Variants in NHERF1 observed in about 807,000 individuals in gnomAD.
NHERF1 encodes the protein NHERF family PDZ scaffold protein 1, also known as Na(+)/H(+) exchange regulatory cofactor NHE-RF1.
At chr17:74,763,057 C>G in the NHERF1 span, 1 of 297,460 alleles carries the variant, frequency 3.4e-6, no homozygotes, top group African/African-American at 2.2e-5. Context: ...CAAGTCCTTA[C>G]CCAGGCTGGG....
At chr17:74,766,771 A>T in the NHERF1 span, among the ~76,000 whole-genome samples, 568 of 152,166 alleles carry the variant, frequency 3.7e-3, 2 homozygotes, top group African/African-American at 0.013. Flanking sequence ...AATTTTTTTT[A>T]AATAAATAAG....
At chr17:74,768,658 C>T in the NHERF1 span, 3 of 1,612,818 alleles carry the variant, frequency 1.9e-6, no homozygotes, top group African/African-American at 1.3e-5. Context: ...AACCTCTGAG[C>T]GCCCTGCTGC....
At chr17:74,766,297 A>C in the NHERF1 span, among the ~76,000 whole-genome samples, 2 of 151,950 alleles carry the variant, frequency 1.3e-5, no homozygotes, top group Non-Finnish European at 2.9e-5. Flanking sequence ...TCTGGGTTCA[A>C]ACAATTTTCC....
At chr17:74,763,143 C>T in the NHERF1 span, 4 of 510,476 alleles carry the variant, frequency 7.8e-6, no homozygotes, top group Non-Finnish European at 1.0e-5. Flanking sequence ...TGGATATTTT[C>T]GTTGGCCCTT....
chr17:74,753,326 A>G, the NHERF1 span, among the ~76,000 whole-genome samples: 2 of 152,138 alleles, frequency 1.3e-5, no homozygotes, highest in Admixed American at 1.3e-4. Context: ...CACCCCAGGG[A>G]GCAAGGTGGG....
the NHERF1 span, among the ~76,000 whole-genome samples, chr17:74,756,265 C>T: frequency 2.4e-4 from 27 of 114,496 alleles, no homozygotes; most frequent in Non-Finnish European, 1.4e-4. Context: ...TCTTTTCTTT[C>T]TTTCTTTCTT....
At chr17:74,752,568 G>A in the NHERF1 span, among the ~76,000 whole-genome samples, 9 of 151,678 alleles carry the variant, frequency 5.9e-5, no homozygotes, top group Middle Eastern at 3.2e-3. Context: ...ACCTCGCCTC[G>A]CTGCAGCCTC....
the NHERF1 span, among the ~76,000 whole-genome samples, chr17:74,751,089 G>A: frequency 6.6e-6 from 1 of 152,120 alleles, no homozygotes; most frequent in African/African-American, 2.4e-5. This position sits in a 1 kb window ranked among gnomAD's most constrained non-coding sequence, Gnocchi z 4.3. Flanking sequence ...GGAGGCATTG[G>A]GCGATGTGAT....
chr17:74,754,634 A>G, the NHERF1 span, among the ~76,000 whole-genome samples: 8,985 of 151,686 alleles, frequency 0.059, 314 homozygotes, highest in African/African-American at 0.11. Flanking sequence ...ACCTGTCACA[A>G]CACCCTGCTA....
At chr17:74,748,822 C>T in the NHERF1 span, 1 of 1,572,434 alleles carries the variant, frequency 6.4e-7, no homozygotes, top group Non-Finnish European at 8.6e-7. This position sits in a 1 kb window ranked among gnomAD's most constrained non-coding sequence, Gnocchi z 4.3. Flanking sequence ...CCCCAAGTCG[C>T]GCCGCTGACC....
chr17:74,749,293 C>A, the NHERF1 span: 1 of 1,526,750 alleles, frequency 6.5e-7, no homozygotes. The surrounding 1 kb of genome is among the most constrained non-coding windows in gnomAD (Gnocchi z 5.6). Context: ...AGCAGGTAAG[C>A]GGGGCCCAAG....
the NHERF1 span, among the ~76,000 whole-genome samples, chr17:74,753,881 TG>T: frequency 1.3e-5 from 2 of 152,104 alleles, no homozygotes; most frequent in Non-Finnish European, 2.9e-5. Flanking sequence ...CCAGGCACGG[TG>T]GCTCACGCCT....
chr17:74,751,464 T>C, the NHERF1 span, among the ~76,000 whole-genome samples: 5 of 152,220 alleles, frequency 3.3e-5, no homozygotes, highest in Admixed American at 3.3e-4. The surrounding 1 kb of genome is among the most constrained non-coding windows in gnomAD (Gnocchi z 4.3). Flanking sequence ...TAAGTGATGA[T>C]ATCAGTGGAA....
At chr17:74,757,857 T>C in the NHERF1 span, among the ~76,000 whole-genome samples, 1 of 152,178 alleles carries the variant, frequency 6.6e-6, no homozygotes, top group African/African-American at 2.4e-5. Context: ...CTGGTCTTCT[T>C]TGCATAAACA....
chr17:74,754,802 G>A, the NHERF1 span, among the ~76,000 whole-genome samples: 4 of 152,108 alleles, frequency 2.6e-5, no homozygotes, highest in African/African-American at 4.8e-5. Context: ...TTGTCCCCCA[G>A]ACAAATTAGC....
At chr17:74,769,019 C>T in the NHERF1 span, 1 of 286,296 alleles carries the variant, frequency 3.5e-6, no homozygotes, top group Non-Finnish European at 6.7e-6. Context: ...GGGTCCAGGG[C>T]TGATCAAAGA....
chr17:74,764,019 A>G, the NHERF1 span, among the ~76,000 whole-genome samples: 1 of 152,058 alleles, frequency 6.6e-6, no homozygotes, highest in African/African-American at 2.4e-5. The surrounding 1 kb of genome is among the most constrained non-coding windows in gnomAD (Gnocchi z 4.9). Context: ...TCCCCCTTCA[A>G]TCCCTGGGCC....
the NHERF1 span, among the ~76,000 whole-genome samples, chr17:74,758,652 G>A: frequency 1.3e-5 from 2 of 152,164 alleles, no homozygotes; most frequent in Non-Finnish European, 2.9e-5. The surrounding 1 kb of genome is among the most constrained non-coding windows in gnomAD (Gnocchi z 4.3). Flanking sequence ...CTCCCACCAT[G>A]CTTCGGACCC....
At chr17:74,763,987 G>T in the NHERF1 span, among the ~76,000 whole-genome samples, 3 of 152,180 alleles carry the variant, frequency 2.0e-5, no homozygotes, top group African/African-American at 7.2e-5. Context: ...ACTCAGCCTT[G>T]CTGGCTCTAG....
Sources: allele counts gnomAD v4.1 joint callset (sites outside exome capture counted in the v4.1 genomes callset), GRCh38; gene constraint gnomAD v4.1.1; non-coding constraint Gnocchi (gnomAD v3.1); transcripts MANE v1.5; gene names NCBI Gene and HGNC (gene_info 2026-07-23, HGNC 2026-07-21).